PDZD2: variants seen among roughly 807,000 people sequenced by gnomAD.
PDZD2 encodes PDZ domain-containing protein 2.
A neutral mutation model predicts 220.7 loss-of-function variants in PDZD2; 90 were observed. That is an observed-to-expected ratio of 0.41 (90% CI 0.34 to 0.49). PDZD2 has a LOEUF of 0.49. PDZD2 is among the 20% of genes least tolerant of loss of function. The probability of loss-of-function intolerance (pLI) is 0.28; values close to 1 mark genes in which losing one functional copy is unlikely to be tolerated. For synonymous variants in PDZD2, 1,375 were observed against 1,450.5 expected, an observed-to-expected ratio of 0.95 and a Z score of 1.18; for missense variants, 3,174 against 3,608.5, an observed-to-expected ratio of 0.88 and a Z score of 3.08.
chr5:31,950,711 C>A (rs1747105536), intron 2 of PDZD2, among the ~76,000 whole-genome samples: 1 of 152,130 alleles, frequency 6.6e-6, no homozygotes, highest in South Asian at 2.1e-4. Context: ...GAATTACCAC[C>A]ACACTCAAGA....
intron 1 of PDZD2, among the ~76,000 whole-genome samples, chr5:31,724,155 C>T (rs1241149072): frequency 1.3e-5 from 2 of 152,166 alleles, no homozygotes; most frequent in Admixed American, 1.3e-4. Context: ...TTTAGCGTAA[C>T]TTCATAGGAA....
At chr5:31,739,882 T>C (rs1022445660) in intron 1 of PDZD2, among the ~76,000 whole-genome samples, 1 of 152,224 alleles carries the variant, frequency 6.6e-6, no homozygotes, top group Non-Finnish European at 1.5e-5. Context: ...AGGAGCATTA[T>C]TGTGGTGATG....
chr5:31,893,843 T>TA (rs1308440866), intron 2 of PDZD2, among the ~76,000 whole-genome samples: 1 of 152,028 alleles, frequency 6.6e-6, no homozygotes, highest in Non-Finnish European at 1.5e-5. Flanking sequence ...CATGAAGTTG[T>TA]ACAGAAATTC....
chr5:31,736,296 C>T (rs759410274), intron 1 of PDZD2, among the ~76,000 whole-genome samples: 17 of 152,164 alleles, frequency 1.1e-4, no homozygotes, highest in East Asian at 1.9e-4. Context: ...GCACAGGGCT[C>T]GTGGGTGCTA....
chr5:31,817,629 G>A (rs1755549997), intron 2 of PDZD2, among the ~76,000 whole-genome samples: 1 of 152,002 alleles, frequency 6.6e-6, no homozygotes, highest in African/African-American at 2.4e-5. Flanking sequence ...AAAATATTAA[G>A]CACTTCAGGT....
In PDZD2 at chr5:32,089,573, G is replaced by A. The variant is rs1742874502; in HGVS notation, c.6125G>A (p.Arg2042Lys). The A allele has an allele frequency of 1.2e-6, 2 of 1,612,408 alleles. No homozygotes were observed. The highest frequency in any genetic ancestry group is 4.5e-5 in the East Asian group (2 of 44,884). The change falls in exon 20 of 25, where the codon AGG (arginine) becomes AAG (lysine). Residue 2042 changes from arginine to lysine, a missense_variant. Arg to Lys is a conservative substitution (Grantham distance 26). Coordinates refer to ENST00000438447, the MANE Select transcript of PDZD2 (RefSeq NM_178140.4). ...GGGCCGGTGAGTCCGGCAGCGTCTA[G>A]GAACGGCATGTCCGTGGCAGGGAAC... ...DSGPVSPAASRNGMSVAGNRQ... is the reference protein window; with the variant it reads ...DSGPVSPAASKNGMSVAGNRQ...
chr5:31,958,118 AC>A (rs201668628), intron 2 of PDZD2, among the ~76,000 whole-genome samples: 7,280 of 152,336 alleles, frequency 0.048, 205 homozygotes, highest in Non-Finnish European at 0.071. Flanking sequence ...TTAAAAATGT[AC>A]ACATTTAATA....
chr5:31,916,066 G>T (rs149634447), intron 2 of PDZD2, among the ~76,000 whole-genome samples: 3,086 of 152,278 alleles, frequency 0.02, 39 homozygotes, highest in African/African-American at 0.028. Flanking sequence ...TCTGTAGAGG[G>T]TAAACAACTG....
chr5:31,940,631 G>A (rs1746133111), intron 2 of PDZD2, among the ~76,000 whole-genome samples: 3 of 152,196 alleles, frequency 2.0e-5, no homozygotes, highest in Admixed American at 1.3e-4. Context: ...GGGTTGTCAG[G>A]TAGCCTAAAG....
intron 2 of PDZD2, among the ~76,000 whole-genome samples, chr5:31,901,856 A>G (rs1229971574): frequency 6.6e-6 from 1 of 152,190 alleles, no homozygotes; most frequent in Non-Finnish European, 1.5e-5. Context: ...CATGTAAATG[A>G]AATCTATGTG....
chr5:31,855,778 A>G (rs1485773222), intron 2 of PDZD2, among the ~76,000 whole-genome samples: 4 of 152,202 alleles, frequency 2.6e-5, no homozygotes, highest in African/African-American at 7.2e-5. Flanking sequence ...AAATGTTTTG[A>G]TCATAGGATC....
At chr5:31,855,679 C>T (rs1758387843) in intron 2 of PDZD2, among the ~76,000 whole-genome samples, 1 of 152,252 alleles carries the variant, frequency 6.6e-6, no homozygotes, top group Non-Finnish European at 1.5e-5. Flanking sequence ...GATGATTTCA[C>T]AAGAAGTCGT....
chr5:31,782,450 TA>T (rs1206811062), intron 1 of PDZD2, among the ~76,000 whole-genome samples: 1 of 152,146 alleles, frequency 6.6e-6, no homozygotes, highest in Non-Finnish European at 1.5e-5. Flanking sequence ...ATTAGGATGT[TA>T]AAATTAACCT....
intron 1 of PDZD2, among the ~76,000 whole-genome samples, chr5:31,714,060 T>G (rs1351886942): frequency 6.6e-6 from 1 of 152,216 alleles, no homozygotes; most frequent in African/African-American, 2.4e-5. Flanking sequence ...CACTGGCATT[T>G]CTCTTTAATC....
At chr5:31,716,798 G>C (rs1469945167) in intron 1 of PDZD2, among the ~76,000 whole-genome samples, 2 of 152,150 alleles carry the variant, frequency 1.3e-5, no homozygotes, top group Non-Finnish European at 2.9e-5. Context: ...GGGTGACTCA[G>C]TCTCGGAAAA....
chr5:31,785,743 G>C (rs1753344444), intron 1 of PDZD2, among the ~76,000 whole-genome samples: 1 of 151,992 alleles, frequency 6.6e-6, no homozygotes. Flanking sequence ...ACCCTGCCCA[G>C]CCCTGTCTTT....
intron 15 of PDZD2, among the ~76,000 whole-genome samples, chr5:32,070,903 G>GAGAATTGCTTGAACCCGGAGGC (rs56171290): frequency 2.4e-4 from 36 of 151,602 alleles, no homozygotes; most frequent in Non-Finnish European, 4.7e-4. Flanking sequence ...GCTGAGACAG[G>GAGAATTGCTTGAACCCGGAGGC]AGAGGTTTCA....
intron 2 of PDZD2, among the ~76,000 whole-genome samples, chr5:31,927,077 G>A (rs746761984): frequency 1.3e-5 from 2 of 152,192 alleles, no homozygotes; most frequent in Non-Finnish European, 2.9e-5. Flanking sequence ...GAGGGGGTCA[G>A]GGCCCAGGGT....
chr5:32,013,522 A>G (rs1753495040), intron 6 of PDZD2, among the ~76,000 whole-genome samples: 1 of 152,130 alleles, frequency 6.6e-6, no homozygotes, highest in Non-Finnish European at 1.5e-5. Context: ...AGTTTCTTCA[A>G]GGGAATGTCA....
Sources: gnomAD v4.1 joint callset for allele counts (sites outside exome capture counted in the v4.1 genomes callset) on GRCh38, gnomAD v4.1.1 for gene constraint, MANE v1.5 for transcripts, NCBI Gene and HGNC (gene_info 2026-07-23, HGNC 2026-07-21) for gene names.